NPAS4: variants seen among roughly 807,000 people sequenced by gnomAD.
NPAS4 encodes neuronal PAS domain-containing protein 4.
NPAS4 carries 10 observed loss-of-function variants against 64.0 expected under a neutral mutation model. The ratio of observed to expected loss-of-function variants is 0.16; its 90% CI spans 0.10 to 0.26. The LOEUF (loss-of-function observed/expected upper bound fraction) is 0.26. NPAS4 is among the 10% of genes least tolerant of loss of function. NPAS4 has a pLI of 1.00. For missense variants in NPAS4, 886 were observed against 992.6 expected (o/e 0.89, Z 1.44); for synonymous variants, 441 against 411.7 (o/e 1.07, Z -0.86).
At chr11:66,418,399 A>T (rs555481980), upstream of NPAS4, among the ~76,000 whole-genome samples, 1 of 152,234 alleles carries the variant, frequency 6.6e-6, no homozygotes, top group East Asian at 1.9e-4. Context: ...CACTGGTGAT[A>T]TAAATAGCTC....
In NPAS4 at chr11:66,421,184, A is replaced by G; in HGVS notation, c.5A>G (p.Tyr2Cys). 1 of 1,606,994 alleles carries G rather than the reference A, an allele frequency of 6.2e-7. No homozygotes were observed. Among genetic ancestry groups the G allele is most frequent in the Non-Finnish European group, 8.5e-7 (1 of 1,177,008 alleles). The change falls in exon 1 of 8, where the codon TAC (tyrosine) becomes TGC (cysteine). Residue 2 changes from tyrosine (Y) to cysteine (C), a missense_variant. Coordinates refer to ENST00000311034, the MANE Select transcript of NPAS4 (RefSeq NM_178864.4). Reference sequence around the variant, plus strand: ...GGAGCTCCGCAGCCGCCGGTCATGTACCGCTCCACCAAGGGCGCCTCCAAG... The same window carrying G: ...GGAGCTCCGCAGCCGCCGGTCATGTGCCGCTCCACCAAGGGCGCCTCCAAG... MYRSTKGASKAR... is the reference protein window; with the variant it reads MCRSTKGASKAR...
rs1437838063 is a variant in NPAS4, at chr11:66,422,153, C to T, written c.209C>T (p.Ser70Leu). ...CTGGCGGGCCCCACGGGGCTTCTCT[C>T]AGCTCAAGAGCTTGAGGACATCGTA... The part of the protein sequence containing the change: ...TPLAGPTGLL[S>L]AQELEDIVAA... Residue 70 changes from serine to leucine, a missense_variant, in exon 2 of 8, where the codon TCA (serine) becomes TTA (leucine). Coordinates refer to ENST00000311034, the MANE Select transcript of NPAS4 (RefSeq NM_178864.4). 3 of 1,614,126 alleles carry T rather than the reference C, an allele frequency of 1.9e-6. No homozygotes were observed. In the Admixed American group the frequency reaches 5.0e-5, roughly 27 times the overall value.
At position 66,423,625 on chromosome 11, in the gene NPAS4, G is replaced by A; in HGVS notation, c.856G>A (p.Ala286Thr). The A allele has an allele frequency of 6.2e-7, 1 of 1,614,130 alleles. No individual in the cohort carries two copies. Among genetic ancestry groups the A allele is most frequent in the Non-Finnish European group, 8.5e-7 (1 of 1,180,006 alleles). The change falls in exon 6 of 8, where the codon GCC (alanine) becomes ACC (threonine). Residue 286 changes from alanine to threonine, a missense_variant. Ala to Thr is a moderately conservative substitution (Grantham distance 58). This residue lies in a region of NPAS4 where 820 missense variants were observed against 855.5 expected (regional missense o/e 0.96). Transcript: ENST00000311034. ...GGCAGAGATGGTGGTGAGGCTACAG[G>A]CCAAGACTGGAGGCTGGGCATGGAT... ...IQAEMVVRLQ[A>T]KTGGWAWIYC...
At position 66,423,644 on chromosome 11, in the gene NPAS4, C is replaced by A; in HGVS notation, c.875C>A (p.Ala292Glu). The change falls in exon 6 of 8, where the codon GCA becomes GAA. Residue 292 changes from alanine to glutamate, a missense_variant. By Grantham distance (107) the Ala-to-Glu change is moderately radical (BLOSUM62 -1). Transcript: ENST00000311034. Reference protein sequence around the residue: ...VRLQAKTGGWAWIYCLLYSEG... With the variant: ...VRLQAKTGGWEWIYCLLYSEG... Reference sequence around the variant, plus strand: ...CTACAGGCCAAGACTGGAGGCTGGGCATGGATTTACTGCCTGTTATACTCA... The same window carrying A: ...CTACAGGCCAAGACTGGAGGCTGGGAATGGATTTACTGCCTGTTATACTCA... The A allele has an allele frequency of 6.2e-7, 1 of 1,613,996 alleles. No individual in the cohort carries two copies. The highest frequency in any genetic ancestry group is 8.5e-7 in the Non-Finnish European group (1 of 1,179,908).
At chr11:66,409,566 G>A in the NPAS4 span, 1 of 152,222 alleles carries the variant, frequency 6.6e-6, no homozygotes, top group South Asian at 2.1e-4. Flanking sequence ...AGCTCAGCCT[G>A]GAGCAGAGTT....
intron 7 of NPAS4, 106 bp from the exon 8 acceptor site, chr11:66,425,855 G>A: frequency 1.2e-6 from 1 of 846,458 alleles, no homozygotes. Flanking sequence ...TCATCATTGA[G>A]CCAATATCTT....
intron 5 of NPAS4, 102 bp from the exon 6 acceptor site, chr11:66,423,476 G>A: frequency 7.2e-7 from 1 of 1,388,358 alleles, no homozygotes; most frequent in Non-Finnish European, 1.0e-6. Flanking sequence ...TCAGAAGAGA[G>A]GATGTCACGG....
At position 66,422,820 on chromosome 11, in the gene NPAS4, G is replaced by T. The variant is rs371775513; in HGVS notation, c.577G>T (p.Ala193Ser). The T allele has an allele frequency of 2.5e-6, 4 of 1,613,932 alleles. No individual in the cohort carries two copies. Among genetic ancestry groups the T allele is most frequent in the Non-Finnish European group, 3.4e-6 (4 of 1,180,042 alleles). Residue 193 changes from alanine (A) to serine (S), a missense_variant, in exon 4 of 8, where the codon GCC (alanine) becomes TCC (serine). Coordinates refer to ENST00000311034, the MANE Select transcript of NPAS4 (RefSeq NM_178864.4). ...AAATCCCGTGTTCACAGCTTTCTGT[G>T]CCCCTCTGGAGCCGAGACCCCGCCC... ...AGNPVFTAFC[A>S]PLEPRPRPGP...
upstream of NPAS4, among the ~76,000 whole-genome samples, chr11:66,418,655 A>C (rs1041209334): frequency 1.3e-5 from 2 of 152,088 alleles, no homozygotes. Context: ...ATTCTCCTGG[A>C]AAAAGCCAGG....
chr11:66,421,720 G>C (rs1856745213), intron 1 of NPAS4, among the ~76,000 whole-genome samples: 1 of 152,238 alleles, frequency 6.6e-6, no homozygotes, highest in Non-Finnish European at 1.5e-5. Flanking sequence ...TACTGTCCGC[G>C]GTGCTGAAAG....
At chr11:66,420,157 T>C (rs370067584), upstream of NPAS4, among the ~76,000 whole-genome samples, 2 of 152,222 alleles carry the variant, frequency 1.3e-5, no homozygotes, top group African/African-American at 4.8e-5. Flanking sequence ...GGGGAAGGGA[T>C]GCCTAAGTGC....
rs1856839061 is a variant in NPAS4 at position 66,426,433 on chromosome 11, C to G, written c.*444C>G. On this transcript the variant is annotated 3_prime_UTR_variant, in exon 8 of 8. Transcript: ENST00000311034. ...CGTAGAATTCTCTACACACCAGTAA[C>G]GGGATTTCAATTCCGATGGACTCTG... The G allele has an allele frequency of 6.4e-6, 1 of 157,282 alleles. No individual in the cohort carries two copies. The highest frequency in any genetic ancestry group is 1.4e-5 in the Non-Finnish European group (1 of 71,036). 9.7% of individuals were successfully genotyped at this position (157,282 alleles called of 1,614,324 possible).
At chr11:66,412,903 A>G in the NPAS4 span, among the ~76,000 whole-genome samples, 1 of 152,176 alleles carries the variant, frequency 6.6e-6, no homozygotes, top group Admixed American at 6.5e-5. Flanking sequence ...ATGGTCCTTC[A>G]AACATCTGCA....
Position 66,422,709 on chromosome 11 carries a change from T to G in NPAS4, c.466T>G (p.Ser156Ala). 2 of 1,614,008 alleles carry G rather than the reference T, an allele frequency of 1.2e-6. No homozygotes were observed. Among genetic ancestry groups the G allele is most frequent in the Non-Finnish European group, 1.7e-6 (2 of 1,179,960 alleles). The change falls in exon 4 of 8, where the codon TCC (serine) becomes GCC (alanine). Residue 156 changes from serine (S) to alanine (A), a missense_variant. Around this residue, in one of 3 missense-constraint regions of NPAS4, gnomAD observed 820 missense variants for 855.5 expected, o/e 0.96. Coordinates refer to ENST00000311034, the MANE Select transcript of NPAS4 (RefSeq NM_178864.4). Reference sequence around the variant, plus strand: ...CCGCTGCCGCTTCAACACCTCCAAGTCCCTCAGGCGCCAGAGTGCAGGCAA... The same window carrying G: ...CCGCTGCCGCTTCAACACCTCCAAGGCCCTCAGGCGCCAGAGTGCAGGCAA... ...LFRCRFNTSK[S>A]LRRQSAGNKL...
Position 66,424,654 on chromosome 11 carries a change from C to G in NPAS4, c.1764C>G (p.Leu588=), listed in dbSNP as rs762650959. 1.9e-6 allele frequency: 3 copies of G among 1,614,112 alleles called. No individual in the cohort carries two copies. The highest frequency in any genetic ancestry group is 3.3e-5 in the Admixed American group (2 of 60,026). Reference sequence around the variant, plus strand: ...GCCCTGGTAATGGGGACTGCACGCTCTTGGCCCTAGCCCAGCTCCGGGGCC... The same window carrying G: ...GCCCTGGTAATGGGGACTGCACGCTGTTGGCCCTAGCCCAGCTCCGGGGCC... The part of the protein sequence containing the change: ...PSSPGNGDCT[L]LALAQLRGPL... The change falls in exon 7 of 8, where the codon CTC becomes CTG. Residue 588 remains leucine, a synonymous_variant. Coordinates refer to ENST00000311034, the MANE Select transcript of NPAS4 (RefSeq NM_178864.4).
rs759668814 is a variant in NPAS4, at chr11:66,422,126, C to A, written c.182C>A (p.Pro61His). 1.2e-6 allele frequency: 2 copies of A among 1,613,818 alleles called. No individual in the cohort carries two copies. Among genetic ancestry groups the A allele is most frequent in the Non-Finnish European group, 1.7e-6 (2 of 1,180,010 alleles). Residue 61 changes from proline to histidine, a missense_variant, in exon 2 of 8, where the codon CCT becomes CAT. Coordinates refer to ENST00000311034, the MANE Select transcript of NPAS4 (RefSeq NM_178864.4). The stretch of plus-strand genomic sequence containing the variant: ...ACGTCTTCTCGCCCTACAGGCACTC[C>A]TCTGGCGGGCCCCACGGGGCTTCTC... ...RKGVFFAGGT[P>H]LAGPTGLLSA...
Position 66,424,962 on chromosome 11 carries a change from G to T in NPAS4, c.2072G>T (p.Cys691Phe), listed in dbSNP as rs537369603. 2 of 1,614,154 alleles carry T rather than the reference G, an allele frequency of 1.2e-6. No homozygotes were observed. The highest frequency in any genetic ancestry group is 2.2e-5 in the South Asian group (2 of 91,090). ...AGCCTGGACCTGAAACCCTGGAAATGCCAGGAGCTGGACTTCCTGGCTGAC... is the reference window on the plus strand; with the variant it reads ...AGCCTGGACCTGAAACCCTGGAAATTCCAGGAGCTGGACTTCCTGGCTGAC... ...VLSLDLKPWKCQELDFLADPD... is the reference protein window; with the variant it reads ...VLSLDLKPWKFQELDFLADPD... The change falls in exon 7 of 8, where the codon TGC (cysteine) becomes TTC (phenylalanine). Residue 691 changes from cysteine (C) to phenylalanine (F), a missense_variant. Transcript: ENST00000311034.
upstream of NPAS4, among the ~76,000 whole-genome samples, chr11:66,417,370 C>T (rs923541800): frequency 6.6e-6 from 1 of 152,032 alleles, no homozygotes; most frequent in Non-Finnish European, 1.5e-5. Context: ...AAGCCCTTCT[C>T]TTCTCTCAGC....
rs1297336717 is a variant in NPAS4, at chr11:66,423,231, G to A, written c.807G>A (p.Leu269=). 5 of 1,590,334 alleles carry A rather than the reference G, an allele frequency of 3.1e-6. No individual in the cohort carries two copies. Among genetic ancestry groups the A allele is most frequent in the Non-Finnish European group, 4.3e-6 (5 of 1,162,196 alleles). The change falls in exon 5 of 8, where the codon CTG becomes CTA. Residue 269 remains leucine, a splice_region_variant and synonymous_variant. Coordinates refer to ENST00000311034, the MANE Select transcript of NPAS4 (RefSeq NM_178864.4). Reference sequence around the variant, plus strand: ...ACGCTTCTGCTCAACACTACCGCCTGTGTGAGTGTCCAGAGAGGCTGGGGA... The same window carrying A: ...ACGCTTCTGCTCAACACTACCGCCTATGTGAGTGTCCAGAGAGGCTGGGGA... ...LAHASAQHYR[L]LAESGDIQAE...
Sources: gnomAD v4.1 joint callset for allele counts (sites outside exome capture counted in the v4.1 genomes callset) on GRCh38, gnomAD v4.1.1 for gene constraint, gnomAD v4.1.1 regional missense constraint, MANE v1.5 for transcripts, NCBI Gene and HGNC (gene_info 2026-07-23, HGNC 2026-07-21) for gene names.